The following CREG1 variants were observed in gnomAD, a reference collection of about 807,000 sequenced individuals.
CREG1 encodes the protein cellular repressor of E1A stimulated genes 1, also known as protein CREG1.
A neutral mutation model predicts 19.9 loss-of-function variants in CREG1; 20 were observed. The observed-to-expected ratio is 1.01, with a 90% CI of 0.71 to 1.46. The LOEUF (loss-of-function observed/expected upper bound fraction) is 1.46, where lower values mean the gene tolerates loss of function less well. Among genes scored for constraint, CREG1 ranks in the 40% most tolerant of loss-of-function variants. The probability of loss-of-function intolerance (pLI) is 0.00; values close to 1 mark genes in which losing one functional copy is unlikely to be tolerated. For synonymous variants in CREG1, 141 were observed against 143.3 expected, an observed-to-expected ratio of 0.98 and a Z score of 0.12; for missense variants, 290 against 314.9, an observed-to-expected ratio of 0.92 and a Z score of 0.60.
At position 167,546,085 on chromosome 1, in the gene CREG1, A is replaced by G. The variant is rs752410977; in HGVS notation, c.659+16T>C. ...TAAGGGCGGCAATCTTAGGTGAAAG[A>G]TGTGTAAGTACTTACTGAACTGTGA... On this transcript the variant is annotated intron_variant, in intron 3 of 3. Coordinates refer to ENST00000370509, the MANE Select transcript of CREG1 (RefSeq NM_003851.3). 6.4e-7 allele frequency: 1 copy of G among 1,568,936 alleles called. No individual in the cohort carries two copies. Among genetic ancestry groups the G allele is most frequent in the South Asian group, 1.2e-5 (1 of 84,168 alleles).
chr1:167,550,443 A>G (rs1439718759), intron 1 of CREG1, among the ~76,000 whole-genome samples: 2 of 152,162 alleles, frequency 1.3e-5, no homozygotes, highest in African/African-American at 2.4e-5. Flanking sequence ...CAGGAAGACT[A>G]TGTAAGAGCT....
intron 3 of CREG1, among the ~76,000 whole-genome samples, chr1:167,542,803 A>G (rs1206171796): frequency 6.6e-6 from 1 of 152,188 alleles, no homozygotes; most frequent in African/African-American, 2.4e-5. Flanking sequence ...AGGTATCAAG[A>G]CTGGGCAAGT....
Position 167,542,019 on chromosome 1 carries a change from T to C in CREG1, c.*279A>G, listed in dbSNP as rs2031131. The C allele has an allele frequency of 0.1, 33,477 of 320,900 alleles. 2,145 individuals carry two copies. Among genetic ancestry groups the C allele is most frequent in the East Asian group, 0.27 (4,832 of 18,106 alleles). 19.9% of individuals were successfully genotyped at this position (320,900 alleles called of 1,614,324 possible). On this transcript the variant is annotated 3_prime_UTR_variant, in exon 4 of 4. Transcript: ENST00000370509. ...AGCACCACTGGAAACATCTTTGGAA[T>C]TGATGGGACAAAACTTATTTGATTA...
In CREG1 at chr1:167,542,245, A is replaced by T. The variant is rs1224441394; in HGVS notation, c.*53T>A. On this transcript the variant is annotated 3_prime_UTR_variant, in exon 4 of 4. Coordinates refer to ENST00000370509, the MANE Select transcript of CREG1 (RefSeq NM_003851.3). ...GAAACATTAAGCCTTTTAAGTGTGT[A>T]TGAGCCACTTTAAGAAACTTCATAA... 6.4e-7 allele frequency: 1 copy of T among 1,558,800 alleles called. No individual in the cohort carries two copies. Among genetic ancestry groups the T allele is most frequent in the East Asian group, 2.3e-5 (1 of 43,458 alleles).
intron 3 of CREG1, 122 bp downstream of exon 3, chr1:167,545,979 C>T (rs573513434): frequency 1.4e-4 from 87 of 603,284 alleles, no homozygotes; most frequent in African/African-American, 1.2e-3. Flanking sequence ...AAGGGGTCAG[C>T]GGCTTTACCA....
intron 1 of CREG1, among the ~76,000 whole-genome samples, 172 bp downstream of exon 1, chr1:167,553,216 C>T (rs2995069): frequency 0.85 from 129,217 of 152,146 alleles, 55,083 homozygotes; most frequent in East Asian, 1. Flanking sequence ...TGGTACCCAG[C>T]TGCCCAACAT....
chr1:167,552,522 G>A (rs768871486), intron 1 of CREG1, among the ~76,000 whole-genome samples: 21 of 152,186 alleles, frequency 1.4e-4, no homozygotes, highest in Non-Finnish European at 2.9e-4. Flanking sequence ...GGCAAAGGGC[G>A]AGGAAGAGAT....
At chr1:167,548,229 C>A (rs558450486) in intron 1 of CREG1, 108 bp from the exon 2 acceptor site, 1 of 751,264 alleles carries the variant, frequency 1.3e-6, no homozygotes, top group Non-Finnish European at 2.1e-6. Flanking sequence ...TGGTCTTCCA[C>A]GAAACAATGA....
chr1:167,548,048 T>G lies in CREG1; in HGVS notation c.428A>C (p.Gln143Pro). The change falls in exon 2 of 4, where the codon CAA becomes CCA. Residue 143 changes from glutamine to proline, a missense_variant. Physicochemically the swap from Gln to Pro is moderately conservative, Grantham distance 76. Transcript: ENST00000370509. ...NFCKKHGFDP[Q>P]SPLCVHIMLS... ...CATTATGTGAACACAAAGGGGACTT[T>G]GTGGATCAAATCCATGTTTCTTGCA... 6.2e-7 allele frequency: 1 copy of G among 1,613,986 alleles called. No homozygotes were observed. The highest frequency in any genetic ancestry group is 1.1e-5 in the South Asian group (1 of 91,084).
intron 1 of CREG1, among the ~76,000 whole-genome samples, chr1:167,551,855 A>C (rs540340405): frequency 3.3e-5 from 5 of 152,308 alleles, no homozygotes; most frequent in Admixed American, 3.3e-4. Flanking sequence ...ATGGGCTGGG[A>C]ATAAGAAAAT....
In CREG1 at chr1:167,542,224, C is replaced by T; in HGVS notation, c.*74G>A. On this transcript the variant is annotated 3_prime_UTR_variant, in exon 4 of 4. Coordinates refer to ENST00000370509, the MANE Select transcript of CREG1 (RefSeq NM_003851.3). ...TATTCTGGGACGCTTTCCAGAGAAA[C>T]ATTAAGCCTTTTAAGTGTGTATGAG... 7.3e-7 allele frequency: 1 copy of T among 1,363,210 alleles called. No individual in the cohort carries two copies. Among genetic ancestry groups the T allele is most frequent in the South Asian group, 1.4e-5 (1 of 69,844 alleles). The allele number at this position is 1,363,210 out of a possible 1,614,324, so 84.4% of individuals were successfully genotyped here. A position where few individuals can be genotyped will look rare whatever the true frequency, so the allele number is the denominator to read the frequency against.
At chr1:167,553,262 G>C (rs776525498) in intron 1 of CREG1, 126 bp downstream of exon 1, 18 of 742,924 alleles carry the variant, frequency 2.4e-5, no homozygotes, top group Admixed American at 4.3e-5. Context: ...CTGCCTGCGC[G>C]GCAGAGAAGC....
chr1:167,543,286 A>AC (rs1656256949), intron 3 of CREG1, among the ~76,000 whole-genome samples: 1 of 152,052 alleles, frequency 6.6e-6, no homozygotes, highest in Non-Finnish European at 1.5e-5. Flanking sequence ...GGGTGCCAGC[A>AC]AATGCTTCGT....
chr1:167,549,669 C>T (rs566376469), intron 1 of CREG1, among the ~76,000 whole-genome samples: 2 of 151,978 alleles, frequency 1.3e-5, no homozygotes, highest in South Asian at 2.1e-4. Flanking sequence ...AGGCGTGAGA[C>T]ACCGCACCTG....
At position 167,541,829 on chromosome 1, in the gene CREG1, T is replaced by C. The variant is rs1048143719; in HGVS notation, c.*469A>G. ...TGGCAAGATTTATTCAGAAGCACCA[T>C]AATGGGGGCCAATCCTTTTGCACCA... On this transcript the variant is annotated 3_prime_UTR_variant, in exon 4 of 4. Coordinates refer to ENST00000370509, the MANE Select transcript of CREG1 (RefSeq NM_003851.3). 6.5e-6 allele frequency: 1 copy of C among 152,724 alleles called. No homozygotes were observed. Among genetic ancestry groups the C allele is most frequent in the Admixed American group, 6.5e-5 (1 of 15,300 alleles). 9.5% of individuals were successfully genotyped at this position (152,724 alleles called of 1,614,324 possible). A position where few individuals can be genotyped will look rare whatever the true frequency, so the allele number is the denominator to read the frequency against.
intron 2 of CREG1, among the ~76,000 whole-genome samples, chr1:167,546,837 C>T (rs1485647588): frequency 1.3e-5 from 2 of 152,226 alleles, no homozygotes; most frequent in East Asian, 3.8e-4. Flanking sequence ...TACCAACTTT[C>T]ATTGGTAAAA....
intron 1 of CREG1, among the ~76,000 whole-genome samples, chr1:167,550,149 C>T (rs540369951): frequency 3.9e-5 from 6 of 152,058 alleles, no homozygotes; most frequent in Non-Finnish European, 7.4e-5. Context: ...ACCACCATAC[C>T]CAGTTAATTT....
chr1:167,549,105 A>G (rs1028494547), intron 1 of CREG1, among the ~76,000 whole-genome samples: 16 of 152,224 alleles, frequency 1.1e-4, no homozygotes, highest in African/African-American at 3.1e-4. Flanking sequence ...AAGGGAGAGG[A>G]GACACTGACT....
intron 1 of CREG1, among the ~76,000 whole-genome samples, chr1:167,550,760 T>C (rs1217914289): frequency 6.6e-6 from 1 of 152,060 alleles, no homozygotes; most frequent in Non-Finnish European, 1.5e-5. Context: ...ATAGAGAACT[T>C]TGAAGAGGTC....
Sources: gnomAD v4.1 joint callset for allele counts (sites outside exome capture counted in the v4.1 genomes callset) on GRCh38, gnomAD v4.1.1 for gene constraint, MANE v1.5 for transcripts, NCBI Gene and HGNC (gene_info 2026-07-23, HGNC 2026-07-21) for gene names.